The following ZMAT4 variants were observed in gnomAD, a reference collection of about 807,000 sequenced individuals.
ZMAT4 encodes zinc finger matrin-type 4, also known as zinc finger matrin-type protein 4.
ZMAT4 carries 17 observed loss-of-function variants against 28.7 expected under a neutral mutation model. That is an observed-to-expected ratio of 0.59 (90% CI 0.41 to 0.89). The LOEUF (loss-of-function observed/expected upper bound fraction) is 0.89, where lower values mean the gene tolerates loss of function less well. ZMAT4 is among the 40% of genes least tolerant of loss of function. The pLI is 0.00. For missense variants in ZMAT4, 240 were observed against 283.8 expected (o/e 0.85, Z 1.11); for synonymous variants, 117 against 109.2 (o/e 1.07, Z -0.44).
intron 2 of ZMAT4, among the ~76,000 whole-genome samples, chr8:40,801,034 G>T (rs1192147944): frequency 6.6e-6 from 1 of 151,660 alleles, no homozygotes; most frequent in African/African-American, 2.4e-5. Context: ...ATTAAAAAGG[G>T]AACATTACTA....
rs199936948 is a variant in ZMAT4 at position 40,806,787 on chromosome 8, GT to G, written c.102+18787del. Among the ~76,000 whole-genome samples the G allele has an allele frequency of 9.1e-3, 1,389 of 151,976 alleles. 23 individuals are homozygous for G. The highest frequency in any genetic ancestry group is 0.032 in the African/African-American group (1,338 of 41,434). Reference sequence around the variant, plus strand: ...AAAATGAGTGCAAGATTTTTGATGTGTTTTTTTAAAATCTAGAATCCCCATA... The same window carrying G: ...AAAATGAGTGCAAGATTTTTGATGTGTTTTTTAAAATCTAGAATCCCCATA... On this transcript the variant is annotated intron_variant, in intron 2 of 6. Transcript: ENST00000297737.
intron 1 of ZMAT4, among the ~76,000 whole-genome samples, chr8:40,863,772 G>A (rs1817582493): frequency 1.3e-5 from 2 of 152,194 alleles, no homozygotes; most frequent in African/African-American, 4.8e-5. Flanking sequence ...TAACTTTCAT[G>A]AGATACCAAT....
intron 3 of ZMAT4, among the ~76,000 whole-genome samples, chr8:40,734,078 T>G (rs1223022235): frequency 6.6e-6 from 1 of 152,140 alleles, no homozygotes; most frequent in Non-Finnish European, 1.5e-5. Flanking sequence ...CCATTAGTGG[T>G]TGCAAGTAGG....
chr8:40,796,355 C>T lies in ZMAT4; in HGVS notation c.103-28625G>A, dbSNP rs182757880. ...ATAAATGACCCTGGCATGATTTACT[C>T]AGATCAGTACTGAAAAATGAAAACA... is the stretch of plus-strand genomic sequence containing the variant. On this transcript the variant is annotated intron_variant, in intron 2 of 6. Transcript: ENST00000297737. Among the ~76,000 whole-genome samples, 9 of 152,290 alleles carry T rather than the reference C, an allele frequency of 5.9e-5. No homozygotes were observed. In the East Asian group the frequency reaches 1.2e-3, roughly 20 times the overall value.
intron 5 of ZMAT4, among the ~76,000 whole-genome samples, chr8:40,603,611 G>A (rs1805475800): frequency 6.6e-6 from 1 of 151,998 alleles, no homozygotes; most frequent in African/African-American, 2.4e-5. Flanking sequence ...TTTCAGCAGT[G>A]TTTTGTTTGT....
chr8:40,772,960 A>G (rs1482530028), intron 2 of ZMAT4, among the ~76,000 whole-genome samples: 1 of 152,166 alleles, frequency 6.6e-6, no homozygotes, highest in African/African-American at 2.4e-5. Flanking sequence ...CACAGGATGA[A>G]ATGAAAGGGC....
intron 5 of ZMAT4, among the ~76,000 whole-genome samples, chr8:40,621,803 A>C (rs1806208965): frequency 6.6e-6 from 1 of 152,204 alleles, no homozygotes; most frequent in Admixed American, 6.5e-5. Context: ...CTCAGGGTCT[A>C]AGATTTAATA....
chr8:40,864,283 C>T (rs926746328), intron 1 of ZMAT4, among the ~76,000 whole-genome samples: 1 of 152,194 alleles, frequency 6.6e-6, no homozygotes, highest in Non-Finnish European at 1.5e-5. Flanking sequence ...TCCTGTTCTC[C>T]TCTTACTATG....
chr8:40,889,514 C>A (rs1384467071), intron 1 of ZMAT4, among the ~76,000 whole-genome samples: 1 of 152,134 alleles, frequency 6.6e-6, no homozygotes, highest in Admixed American at 6.5e-5. Context: ...TTAAAGAAAT[C>A]AAAAGTCATA....
At chr8:40,897,580 C>T (rs1056607430) in intron 1 of ZMAT4, 103 bp downstream of exon 1, 2 of 152,280 alleles carry the variant, frequency 1.3e-5, no homozygotes, top group African/African-American at 2.4e-5. Flanking sequence ...CACATTCCCT[C>T]CCAGAAACTT....
At chr8:40,738,373 G>T (rs1811864306) in intron 3 of ZMAT4, among the ~76,000 whole-genome samples, 1 of 152,192 alleles carries the variant, frequency 6.6e-6, no homozygotes, top group South Asian at 2.1e-4. Context: ...AGGATACCTT[G>T]TCCCCATGGG....
In ZMAT4 at chr8:40,630,511, G is replaced by A. The variant is rs149288931; in HGVS notation, c.577+44193C>T. Among the ~76,000 whole-genome samples the A allele has an allele frequency of 2.0e-3, 305 of 152,256 alleles. 2 individuals carry two copies. Among genetic ancestry groups the A allele is most frequent in the Non-Finnish European group, 3.2e-3 (215 of 68,018 alleles). The stretch of plus-strand genomic sequence containing the variant: ...GTGGGGAACTTAGAATTTAAGCATG[G>A]ACATCATCATGCTGACGATTAGTCT... On this transcript the variant is annotated intron_variant, in intron 5 of 6. Coordinates refer to ENST00000297737, the MANE Select transcript of ZMAT4 (RefSeq NM_024645.3).
intron 6 of ZMAT4, among the ~76,000 whole-genome samples, chr8:40,551,508 A>G (rs957580424): frequency 5.3e-5 from 8 of 152,214 alleles, no homozygotes; most frequent in Admixed American, 5.2e-4. Flanking sequence ...TTCATATAGT[A>G]GACGATGTAT....
chr8:40,594,401 T>C (rs1376901681), intron 5 of ZMAT4, among the ~76,000 whole-genome samples: 1 of 152,144 alleles, frequency 6.6e-6, no homozygotes, highest in Non-Finnish European at 1.5e-5. Flanking sequence ...TCCAAATATA[T>C]TGAGGCCTGA....
At chr8:40,819,452 T>G (rs574529432) in intron 2 of ZMAT4, among the ~76,000 whole-genome samples, 5 of 151,112 alleles carry the variant, frequency 3.3e-5, no homozygotes, top group Non-Finnish European at 7.4e-5. Flanking sequence ...ACCCCTCCCC[T>G]CCTCCAGTCT....
At chr8:40,601,746 G>A (rs1047252005) in intron 5 of ZMAT4, among the ~76,000 whole-genome samples, 1 of 151,852 alleles carries the variant, frequency 6.6e-6, no homozygotes, top group Admixed American at 6.6e-5. Flanking sequence ...CAGGCAGGCA[G>A]GCAGGCAAAG....
intron 6 of ZMAT4, 137 bp from the exon 7 acceptor site, chr8:40,532,375 G>GA: frequency 1.6e-6 from 1 of 612,092 alleles, no homozygotes; most frequent in Non-Finnish European, 2.5e-6. Context: ...ATCTGAATTT[G>GA]TAAAGTTAAT....
intron 6 of ZMAT4, among the ~76,000 whole-genome samples, chr8:40,558,685 C>T (rs1467196694): frequency 6.6e-6 from 1 of 152,030 alleles, no homozygotes; most frequent in Non-Finnish European, 1.5e-5. Flanking sequence ...ATGCCTGCTG[C>T]ACATCTAAAT....
rs1813690994 is a variant in ZMAT4 at position 40,778,338 on chromosome 8, A to G, written c.103-10608T>C. 1.3e-5 allele frequency among the ~76,000 whole-genome samples: 2 copies of G among 152,234 alleles called. 1 individual carries two copies. Among genetic ancestry groups the G allele is most frequent in the South Asian group, 4.1e-4 (2 of 4,830 alleles). ...GAAAAAAGTGATCAGCGAATTCTAT[A>G]AAGAACATTTCTCAGTGTAAAATAA... On this transcript the variant is annotated intron_variant, in intron 2 of 6. Coordinates refer to ENST00000297737, the MANE Select transcript of ZMAT4 (RefSeq NM_024645.3).
Sources: gnomAD v4.1 joint callset for allele counts (sites outside exome capture counted in the v4.1 genomes callset) on GRCh38, gnomAD v4.1.1 for gene constraint, MANE v1.5 for transcripts, NCBI Gene and HGNC (gene_info 2026-07-23, HGNC 2026-07-21) for gene names.